CHST15: variants seen among roughly 807,000 people sequenced by gnomAD.
CHST15 encodes the protein B cell RAG associated protein (GALNAC4S-6ST).
CHST15 carries 30 observed loss-of-function variants against 53.6 expected under a neutral mutation model. The ratio of observed to expected loss-of-function variants is 0.56; its 90% CI spans 0.42 to 0.76. CHST15 has a LOEUF of 0.76. Ranked by LOEUF, CHST15 falls within the 30% of genes least tolerant of loss-of-function variation. CHST15 has a pLI of 0.00. For missense variants in CHST15, 627 were observed against 740.5 expected (o/e 0.85, Z 1.78); for synonymous variants, 296 against 289.8 (o/e 1.02, Z -0.22).
intron 6 of CHST15, among the ~76,000 whole-genome samples, chr10:124,017,082 G>A (rs761623574): frequency 1.2e-4 from 19 of 152,070 alleles, no homozygotes; most frequent in Non-Finnish European, 2.2e-4. Context: ...CAAAGTGCCC[G>A]GTAGCAAGCA....
chr10:124,036,842 G>A lies in CHST15; in HGVS notation c.1190+1673C>T, dbSNP rs1947515886. On this transcript the variant is annotated intron_variant, in intron 5 of 7. Transcript: ENST00000435907. This position sits in a 1 kb window ranked among gnomAD's most constrained non-coding sequence, Gnocchi z 5.1. ...TATAATTGGCAAATACGTGGGGCCA[G>A]GAAGGTATGCCACCTGAAGAAGGGG... Among the ~76,000 whole-genome samples, 1 of 152,224 alleles carries A rather than the reference G, an allele frequency of 6.6e-6. No homozygotes were observed. Among genetic ancestry groups the A allele is most frequent in the Non-Finnish European group, 1.5e-5 (1 of 68,040 alleles).
intron 2 of CHST15, among the ~76,000 whole-genome samples, chr10:124,045,124 A>ACAAAAAAC (rs1564882030): frequency 1.3e-5 from 1 of 76,074 alleles, no homozygotes; most frequent in African/African-American, 4.1e-5. Context: ...AAAAAAAAAA[A>ACAAAAAAC]AAAAAAAAAA....
intron 1 of CHST15, among the ~76,000 whole-genome samples, chr10:124,091,395 G>A (rs532725387): frequency 2.0e-5 from 3 of 152,292 alleles, no homozygotes; most frequent in African/African-American, 7.2e-5. Context: ...TCCAAGGAGG[G>A]TCCAGGAGAA....
intron 1 of CHST15, among the ~76,000 whole-genome samples, chr10:124,082,658 G>C (rs968798157): frequency 2.6e-5 from 4 of 152,182 alleles, no homozygotes; most frequent in African/African-American, 9.7e-5. Flanking sequence ...CAAAGGTGGA[G>C]ACCACCCAAA....
At chr10:124,051,550 AGACGGGGCCCT>A (rs1479962457) in intron 1 of CHST15, among the ~76,000 whole-genome samples, 1 of 152,190 alleles carries the variant, frequency 6.6e-6, no homozygotes, top group Non-Finnish European at 1.5e-5. Context: ...GACTCAGACA[AGACGGGGCCCT>A]TGGCACTTCC....
intron 1 of CHST15, among the ~76,000 whole-genome samples, chr10:124,083,582 T>G (rs1949320253): frequency 6.6e-6 from 1 of 152,226 alleles, no homozygotes; most frequent in South Asian, 2.1e-4. Context: ...GTACATCTCC[T>G]CATATCTAAT....
At chr10:124,021,544 C>T in intron 5 of CHST15, 132 bp from the exon 6 acceptor site, 2 of 1,451,140 alleles carry the variant, frequency 1.4e-6, no homozygotes, top group South Asian at 1.4e-5. Context: ...CTTCTTCTTT[C>T]CCTTGCAGAT....
At chr10:124,057,879 C>G (rs1467488177) in intron 1 of CHST15, among the ~76,000 whole-genome samples, 1 of 152,100 alleles carries the variant, frequency 6.6e-6, no homozygotes, top group Non-Finnish European at 1.5e-5. Context: ...CAGCAGATGT[C>G]CCAGTCTCTC....
At chr10:124,049,923 A>G (rs1948132713) in intron 1 of CHST15, among the ~76,000 whole-genome samples, 1 of 152,024 alleles carries the variant, frequency 6.6e-6, no homozygotes, top group African/African-American at 2.4e-5. Flanking sequence ...AAACCGGTAG[A>G]GTCTGAGGCT....
intron 1 of CHST15, among the ~76,000 whole-genome samples, chr10:124,087,349 A>G (rs1351673991): frequency 1.3e-5 from 2 of 152,068 alleles, no homozygotes; most frequent in African/African-American, 4.8e-5. Flanking sequence ...CCACACCACT[A>G]TCTTTTTGAC....
At chr10:124,071,036 C>T (rs945957006) in intron 1 of CHST15, among the ~76,000 whole-genome samples, 2 of 152,336 alleles carry the variant, frequency 1.3e-5, no homozygotes, top group African/African-American at 4.8e-5. Context: ...TGGCGGTGCT[C>T]TCTACCCCAC....
chr10:124,090,685 C>A (rs2134272449), intron 1 of CHST15, among the ~76,000 whole-genome samples: 1 of 152,336 alleles, frequency 6.6e-6, no homozygotes, highest in South Asian at 2.1e-4. Flanking sequence ...CCAGGGATGA[C>A]AAAGGTGTGG....
chr10:124,076,826 C>T (rs557626047), intron 1 of CHST15, among the ~76,000 whole-genome samples: 38 of 152,078 alleles, frequency 2.5e-4, no homozygotes, highest in African/African-American at 8.7e-4. Context: ...TCTCCTGCCT[C>T]AGCCTCCCGA....
At chr10:124,082,954 T>G (rs914322369) in intron 1 of CHST15, among the ~76,000 whole-genome samples, 1 of 152,184 alleles carries the variant, frequency 6.6e-6, no homozygotes, top group African/African-American at 2.4e-5. Flanking sequence ...AAAGGGGTGA[T>G]AGCTAAGGTG....
At chr10:124,067,012 C>G (rs1948771075) in intron 1 of CHST15, among the ~76,000 whole-genome samples, 1 of 152,266 alleles carries the variant, frequency 6.6e-6, no homozygotes, top group South Asian at 2.1e-4. Flanking sequence ...TTTGCACATT[C>G]CAGAGTAACT....
In CHST15 at chr10:124,093,467, A is replaced by T. The variant is rs1334357906; in HGVS notation, c.-513+2T>A. ...CCTCGGCGTCTGGCACCTAACTTGT[A>T]CCTGAGAAGCCTGAGTCCAGCCCGG... On this transcript the variant is annotated splice_donor_variant, in intron 1 of 7. Coordinates refer to ENST00000435907, the MANE Select transcript of CHST15 (RefSeq NM_001270764.2). LOFTEE classifies it low-confidence loss of function (5UTR_SPLICE). 6.6e-6 allele frequency: 1 copy of T among 151,804 alleles called. No individual in the cohort carries two copies. Among genetic ancestry groups the T allele is most frequent in the East Asian group, 1.9e-4 (1 of 5,132 alleles). The allele number at this position is 151,804 out of a possible 1,614,324, so 9.4% of individuals were successfully genotyped here.
intron 1 of CHST15, among the ~76,000 whole-genome samples, chr10:124,088,622 G>A (rs1011716917): frequency 3.9e-5 from 6 of 152,076 alleles, no homozygotes; most frequent in Admixed American, 3.3e-4. Context: ...CTGCACATCC[G>A]GATGGCTGAG....
At chr10:124,030,107 T>C (rs1169236928) in intron 5 of CHST15, among the ~76,000 whole-genome samples, 1 of 152,130 alleles carries the variant, frequency 6.6e-6, no homozygotes, top group Admixed American at 6.5e-5. Flanking sequence ...AGCTTGGTGG[T>C]TTTTCTCCCA....
chr10:124,038,850 CT>C (rs367580688), intron 4 of CHST15, among the ~76,000 whole-genome samples, 179 bp from the exon 5 acceptor site: 3,091 of 152,128 alleles, frequency 0.02, 95 homozygotes, highest in African/African-American at 0.064. Context: ...ATGCCCCCCC[CT>C]GCCACAGCCA....
Sources: gnomAD v4.1 joint callset for allele counts (sites outside exome capture counted in the v4.1 genomes callset) on GRCh38, gnomAD v4.1.1 for gene constraint, Gnocchi (gnomAD v3.1) non-coding constraint, MANE v1.5 for transcripts, NCBI Gene and HGNC (gene_info 2026-07-23, HGNC 2026-07-21) for gene names.